GRK6: variants seen among roughly 807,000 people sequenced by gnomAD.
GRK6 encodes G protein-coupled receptor kinase 6.
A neutral mutation model predicts 80.8 loss-of-function variants in GRK6; 37 were observed. The observed-to-expected ratio is 0.46, with a 90% CI of 0.35 to 0.60. The LOEUF (loss-of-function observed/expected upper bound fraction) is 0.60. Ranked by LOEUF, GRK6 falls within the 20% of genes least tolerant of loss-of-function variation. GRK6 has a pLI of 0.00. For missense variants in GRK6, 560 were observed against 784.6 expected, an observed-to-expected ratio of 0.71 and a Z score of 3.42; for synonymous variants, 295 against 320.9, an observed-to-expected ratio of 0.92 and a Z score of 0.86.
At position 177,433,567 on chromosome 5, in the gene GRK6, A is replaced by G. The variant is rs748787453; in HGVS notation, c.629A>G (p.Lys210Arg). The change falls in exon 8 of 16, where the codon AAG becomes AGG. Residue 210 changes from lysine (K) to arginine (R), a missense_variant. Physicochemically the swap from Lys to Arg is conservative, Grantham distance 26. Coordinates refer to ENST00000355472, the MANE Select transcript of GRK6 (RefSeq NM_001004106.3). Reference sequence around the variant, plus strand: ...GCCTGCCAGGTGCGGGCCACAGGTAAGATGTATGCCTGCAAGAAGCTAGAG... The same window carrying G: ...GCCTGCCAGGTGCGGGCCACAGGTAGGATGTATGCCTGCAAGAAGCTAGAG... Reference protein sequence around the residue: ...VCACQVRATGKMYACKKLEKK... With the variant: ...VCACQVRATGRMYACKKLEKK... The G allele has an allele frequency of 1.2e-6, 2 of 1,614,024 alleles. No individual in the cohort carries two copies. Among genetic ancestry groups the G allele is most frequent in the Admixed American group, 1.7e-5 (1 of 60,012 alleles).
intron 2 of GRK6, chr5:177,431,672 G>A (rs775719389): frequency 1.7e-5 from 6 of 345,266 alleles, no homozygotes; most frequent in South Asian, 2.8e-5. Flanking sequence ...GGAACCTCAC[G>A]GACCGCACCC....
In GRK6 at chr5:177,431,112, C is replaced by T. The variant is rs1470899865; in HGVS notation, c.148+145C>T. ...AGGATGAGGACTGCACCATTCAGCC[C>T]AGTTTCAGTTCCTGGGCTTGGGACG... On this transcript the variant is annotated intron_variant, in intron 2 of 15. Coordinates refer to ENST00000355472, the MANE Select transcript of GRK6 (RefSeq NM_001004106.3). 11 of 662,230 alleles carry T rather than the reference C, an allele frequency of 1.7e-5. No individual in the cohort carries two copies. In the East Asian group the frequency reaches 2.7e-4, roughly 17 times the overall value. The allele number at this position is 662,230 out of a possible 1,614,324, so 41.0% of individuals were successfully genotyped here.
Position 177,439,750 on chromosome 5 carries a change from T to C in GRK6, c.1405-950T>C, listed in dbSNP as rs1302915666. 2.0e-5 allele frequency among the ~76,000 whole-genome samples: 3 copies of C among 152,138 alleles called. 1 individual carries two copies. Among genetic ancestry groups the C allele is most frequent in the Admixed American group, 6.5e-5 (1 of 15,268 alleles). ...TCTCTCTGTTTGCCTACTCTGGACA[T>C]GTCATAGCTATGGCATCACATAGTA... On this transcript the variant is annotated intron_variant, in intron 13 of 15. Coordinates refer to ENST00000355472, the MANE Select transcript of GRK6 (RefSeq NM_001004106.3).
chr5:177,438,448 C>T (rs1302923158), intron 13 of GRK6: 3 of 151,978 alleles, frequency 2.0e-5, no homozygotes, highest in Non-Finnish European at 4.4e-5. Context: ...ACCGTGGTCT[C>T]TGGGGAGGTG....
chr5:177,427,100 G>A (rs764357382), intron 1 of GRK6, among the ~76,000 whole-genome samples: 1 of 152,122 alleles, frequency 6.6e-6, no homozygotes, highest in Non-Finnish European at 1.5e-5. Context: ...GAAGGGGCGG[G>A]GGTCAGGCCG....
At chr5:177,441,296 G>T (rs765638615) in intron 15 of GRK6, 1 of 1,553,922 alleles carries the variant, frequency 6.4e-7, no homozygotes, top group Non-Finnish European at 8.7e-7. Context: ...TGGCCTCGGG[G>T]AGCCACGGGC....
intron 10 of GRK6, 29 bp from the exon 11 acceptor site, chr5:177,435,003 G>C: frequency 1.9e-6 from 3 of 1,603,912 alleles, no homozygotes; most frequent in Non-Finnish European, 2.5e-6. Flanking sequence ...CCTGTTAACG[G>C]GTCCACCTGT....
chr5:177,427,683 G>C (rs1439361826), intron 1 of GRK6, among the ~76,000 whole-genome samples: 1 of 152,032 alleles, frequency 6.6e-6, no homozygotes, highest in Non-Finnish European at 1.5e-5. Flanking sequence ...TGGTCAGTCT[G>C]CCCCCACCTG....
intron 13 of GRK6, 140 bp from the exon 14 acceptor site, chr5:177,440,560 G>A: frequency 1.0e-6 from 1 of 975,708 alleles, no homozygotes; most frequent in Non-Finnish European, 1.5e-6. Context: ...GGAAGTGCGT[G>A]GGGCACCTGG....
Position 177,430,886 on chromosome 5 carries a change from C to T in GRK6, c.67C>T (p.Arg23Cys), listed in dbSNP as rs1432684474. ...TGCTCCCACAGGTGGCGGTGGAAATCGCAAAGGCAAAAGCAAGAAATGGCG... is the reference window on the plus strand; with the variant it reads ...TGCTCCCACAGGTGGCGGTGGAAATTGCAAAGGCAAAAGCAAGAAATGGCG... Reference protein sequence around the residue: ...LKAREGGGGNRKGKSKKWRQM... With the variant: ...LKAREGGGGNCKGKSKKWRQM... The change falls in exon 2 of 16, where the codon CGC (arginine) becomes TGC (cysteine). Residue 23 changes from arginine (R) to cysteine (C), a missense_variant. This residue lies in a region of GRK6 where 189 missense variants were observed against 230.2 expected (regional missense o/e 0.82). Coordinates refer to ENST00000355472, the MANE Select transcript of GRK6 (RefSeq NM_001004106.3). 8 of 1,613,918 alleles carry T rather than the reference C, an allele frequency of 5.0e-6. No individual in the cohort carries two copies. Among genetic ancestry groups the T allele is most frequent in the South Asian group, 1.1e-5 (1 of 91,078 alleles).
At position 177,432,314 on chromosome 5, in the gene GRK6, AGT is replaced by A; in HGVS notation, c.339+6_339+7del. 6.2e-7 allele frequency: 1 copy of A among 1,612,176 alleles called. No homozygotes were observed. The highest frequency in any genetic ancestry group is 8.5e-7 in the Non-Finnish European group (1 of 1,179,744). ...GCAGAATTTTCTGAGCCACACGGTG[AGT>A]GAGCAGCGATGGAGAGATGATGGGA... On this transcript the variant is annotated splice_donor_5th_base_variant and intron_variant, in intron 4 of 15. Coordinates refer to ENST00000355472, the MANE Select transcript of GRK6 (RefSeq NM_001004106.3).
At chr5:177,426,068 TC>T (rs912672395), upstream of GRK6, among the ~76,000 whole-genome samples, 14 of 151,732 alleles carry the variant, frequency 9.2e-5, no homozygotes, top group African/African-American at 3.4e-4. Flanking sequence ...GGGCAAGAGG[TC>T]GGGGAACGGC....
rs376738861 is a variant in GRK6 at position 177,433,737 on chromosome 5, C to A, written c.738+61C>A. On this transcript the variant is annotated intron_variant, in intron 8 of 15. Transcript: ENST00000355472. The stretch of plus-strand genomic sequence containing the variant: ...CACACTGGCGCACCGACCGTCCCCA[C>A]CCCCCAGGCCCCACCCTCCCATGTG... The A allele has an allele frequency of 1.5e-4, 238 of 1,583,674 alleles. 1 individual carries two copies. The highest frequency in any genetic ancestry group is 6.6e-4 in the Admixed American group (39 of 58,936).
At chr5:177,437,505 C>T (rs1221320168) in intron 13 of GRK6, among the ~76,000 whole-genome samples, 1 of 152,188 alleles carries the variant, frequency 6.6e-6, no homozygotes, top group South Asian at 2.1e-4. Flanking sequence ...CACCTGTTAA[C>T]TGAGCATCTC....
intron 15 of GRK6, chr5:177,441,391 C>T: frequency 1.0e-6 from 1 of 1,002,428 alleles, no homozygotes; most frequent in South Asian, 1.5e-5. Context: ...TGATCCCCTG[C>T]ACCCTGGCCC....
rs751425188 is a variant in GRK6, at chr5:177,436,461, C to T, written c.1335C>T (p.His445=). ...GCAGTGCCCGCGAGGTGAAGGAGCA[C>T]CCCCTCTTTAAGAAGCTGAACTTCA... ...RGGSAREVKE[H]PLFKKLNFKR... Residue 445 remains histidine (H), a synonymous_variant, in exon 13 of 16, where the codon CAC becomes CAT. Coordinates refer to ENST00000355472, the MANE Select transcript of GRK6 (RefSeq NM_001004106.3). The T allele has an allele frequency of 1.2e-5, 20 of 1,612,268 alleles. No individual in the cohort carries two copies. Among genetic ancestry groups the T allele is most frequent in the Middle Eastern group, 1.7e-4 (1 of 6,004 alleles).
intron 9 of GRK6, 125 bp from the exon 10 acceptor site, chr5:177,434,777 C>A: frequency 9.8e-7 from 1 of 1,023,396 alleles, no homozygotes; most frequent in Admixed American, 1.8e-5. Context: ...GTCGCCCTGG[C>A]AGCAAATGAG....
Position 177,431,872 on chromosome 5 carries a change from T to C in GRK6, c.149-123T>C, listed in dbSNP as rs903791440. The C allele has an allele frequency of 5.5e-5, 46 of 838,882 alleles. 1 individual carries two copies. The highest frequency in any genetic ancestry group is 7.6e-5 in the Non-Finnish European group (38 of 500,520). The allele number at this position is 838,882 out of a possible 1,614,324, so 52.0% of individuals were successfully genotyped here. A position where few individuals can be genotyped will look rare whatever the true frequency, so the allele number is the denominator to read the frequency against. Reference sequence around the variant, plus strand: ...GTTGTGGTGAGGGTTCTGAAGAAGATTGTGGCTACCACACTGCAGAGCTGG... The same window carrying C: ...GTTGTGGTGAGGGTTCTGAAGAAGACTGTGGCTACCACACTGCAGAGCTGG... On this transcript the variant is annotated intron_variant, in intron 2 of 15. Transcript: ENST00000355472.
intron 13 of GRK6, 104 bp downstream of exon 13, chr5:177,436,634 A>G (rs1764172964): frequency 9.1e-7 from 1 of 1,096,758 alleles, no homozygotes; most frequent in Admixed American, 2.5e-5. Flanking sequence ...TGGCAGAAAA[A>G]ACAATCTAGT....
Sources: gnomAD v4.1 joint callset for allele counts (sites outside exome capture counted in the v4.1 genomes callset) on GRCh38, gnomAD v4.1.1 for gene constraint, gnomAD v4.1.1 regional missense constraint, MANE v1.5 for transcripts, NCBI Gene and HGNC (gene_info 2026-07-23, HGNC 2026-07-21) for gene names.